The following PPP2R5C variants were observed in gnomAD, a reference collection of about 807,000 sequenced individuals.
PPP2R5C encodes the protein serine/threonine-protein phosphatase 2A 56 kDa regulatory subunit gamma isoform.
Under a neutral mutation model 68.9 loss-of-function variants are expected in PPP2R5C, and 7 were observed. That is an observed-to-expected ratio of 0.10 (90% CI 0.06 to 0.19). PPP2R5C has a LOEUF of 0.19. PPP2R5C is among the 10% of genes least tolerant of loss of function. The pLI is 1.00. For synonymous variants in PPP2R5C, 210 were observed against 222.2 expected (o/e 0.95, Z 0.49); for missense variants, 348 against 641.3 (o/e 0.54, Z 4.94).
chr14:101,800,794 C>T (rs1165237650), intron 3 of PPP2R5C, among the ~76,000 whole-genome samples: 1 of 152,106 alleles, frequency 6.6e-6, no homozygotes, highest in African/African-American at 2.4e-5. Context: ...GCATCGCTCA[C>T]AATAGCCAAG....
At chr14:101,904,487 TTAAG>T (rs2045911191) in intron 9 of PPP2R5C, among the ~76,000 whole-genome samples, 1 of 152,220 alleles carries the variant, frequency 6.6e-6, no homozygotes. Context: ...TATTGAACTC[TTAAG>T]TAAGAACTAG....
intron 3 of PPP2R5C, among the ~76,000 whole-genome samples, chr14:101,792,811 C>G (rs1318521528): frequency 6.6e-6 from 1 of 151,038 alleles, no homozygotes; most frequent in Non-Finnish European, 1.5e-5. Context: ...TGATTTCTGA[C>G]ACAGTGAGAC....
chr14:101,810,022 T>G (rs766957638), exon 1 of PPP2R5C: 1 of 1,613,942 alleles, frequency 6.2e-7, no homozygotes, highest in Non-Finnish European at 8.5e-7. Context: ...CCCGTGGTCC[T>G]TCTCCATATT....
chr14:101,815,334 A>G (rs1163299385), intron 1 of PPP2R5C, among the ~76,000 whole-genome samples: 3 of 151,960 alleles, frequency 2.0e-5, no homozygotes, highest in African/African-American at 7.3e-5. Flanking sequence ...TTTGATTTTT[A>G]CTGTTTTCTG....
intron 2 of PPP2R5C, among the ~76,000 whole-genome samples, chr14:101,764,030 G>T (rs77541980): frequency 9.7e-4 from 142 of 146,248 alleles, no homozygotes; most frequent in African/African-American, 3.2e-3. Context: ...TGTGTGTGTG[G>T]GCGCGCGCAC....
chr14:101,848,031 T>G (rs965783836), intron 1 of PPP2R5C, among the ~76,000 whole-genome samples: 5 of 152,308 alleles, frequency 3.3e-5, no homozygotes, highest in African/African-American at 1.2e-4. Flanking sequence ...ACCCATGCTT[T>G]AGATCTGATA....
At chr14:101,862,932 C>T (rs953696663) in intron 2 of PPP2R5C, among the ~76,000 whole-genome samples, 4 of 151,716 alleles carry the variant, frequency 2.6e-5, no homozygotes, top group African/African-American at 9.7e-5. Flanking sequence ...CAATCCTCCC[C>T]CTCCCCCTGC....
chr14:101,894,211 G>A (rs1036519952), intron 7 of PPP2R5C, among the ~76,000 whole-genome samples: 5 of 152,176 alleles, frequency 3.3e-5, no homozygotes, highest in African/African-American at 7.2e-5. Context: ...TAGATGACTC[G>A]TTGATTGTAG....
At position 101,882,496 on chromosome 14, in the gene PPP2R5C, T is replaced by A. The variant is rs1020092228; in HGVS notation, c.405+225T>A. 32 of 404,016 alleles carry A rather than the reference T, an allele frequency of 7.9e-5. No homozygotes were observed. The Middle Eastern group carries it at 2.4e-3, about 30-fold the overall frequency. 25.0% of individuals were successfully genotyped at this position (404,016 alleles called of 1,614,324 possible). On this transcript the variant is annotated intron_variant, in intron 3 of 13. Transcript: ENST00000334743. This position sits in a 1 kb window ranked among gnomAD's most constrained non-coding sequence, Gnocchi z 4.9. The stretch of plus-strand genomic sequence containing the variant: ...TGAAGATGTGTAATTGTGAGTATGT[T>A]CTCAGTGAAGATGGCCGCTGTGTTG...
intron 2 of PPP2R5C, among the ~76,000 whole-genome samples, chr14:101,779,713 G>A (rs1398109371): frequency 6.6e-6 from 1 of 152,114 alleles, no homozygotes; most frequent in Non-Finnish European, 1.5e-5. Context: ...CAGGCAGTGG[G>A]GAGCCACTGG....
At chr14:101,861,065 G>A (rs549890469) in intron 2 of PPP2R5C, among the ~76,000 whole-genome samples, 3 of 152,086 alleles carry the variant, frequency 2.0e-5, no homozygotes, top group South Asian at 2.1e-4. Flanking sequence ...TCTGTTTCTC[G>A]GGCACAGACC....
At chr14:101,773,799 A>G (rs553796895) in intron 2 of PPP2R5C, among the ~76,000 whole-genome samples, 181 of 152,220 alleles carry the variant, frequency 1.2e-3, no homozygotes, top group Admixed American at 1.5e-3. Context: ...GGCTCAAGCA[A>G]TCCTCCCTCC....
At chr14:101,856,603 A>G in intron 1 of PPP2R5C, 83 bp from the exon 4 acceptor site, 1 of 1,261,616 alleles carries the variant, frequency 7.9e-7, no homozygotes, top group Non-Finnish European at 1.1e-6. Context: ...CAAAATAAAA[A>G]TAGAAGAAAG....
rs2044255315 is a variant in PPP2R5C, at chr14:101,882,996, A to G, written c.406-261A>G. On this transcript the variant is annotated intron_variant, in intron 3 of 13. Coordinates refer to ENST00000334743, the Ensembl canonical transcript of PPP2R5C. This position sits in a 1 kb window ranked among gnomAD's most constrained non-coding sequence, Gnocchi z 4.9. ...GTGCCCTGTAGTCCCTGAACAGTGT[A>G]CTATAACTGATGACATCAGCCATGG... The G allele has an allele frequency of 2.5e-6, 1 of 395,354 alleles. No individual in the cohort carries two copies. Among genetic ancestry groups the G allele is most frequent in the Non-Finnish European group, 4.6e-6 (1 of 218,774 alleles). 24.5% of individuals were successfully genotyped at this position (395,354 alleles called of 1,614,324 possible).
chr14:101,836,216 G>A (rs1351737285), intron 1 of PPP2R5C: 2 of 702,818 alleles, frequency 2.8e-6, no homozygotes, highest in East Asian at 2.7e-5. Context: ...GAGGTTGGAA[G>A]TCCCTGACCT....
At chr14:101,852,194 GT>G (rs1242159361) in intron 1 of PPP2R5C, among the ~76,000 whole-genome samples, 1 of 152,128 alleles carries the variant, frequency 6.6e-6, no homozygotes, top group African/African-American at 2.4e-5. Context: ...ACACCCTGCT[GT>G]TTTCTTCCTA....
intron 1 of PPP2R5C, among the ~76,000 whole-genome samples, chr14:101,837,904 A>C (rs2041216633): frequency 6.6e-6 from 1 of 152,190 alleles, no homozygotes; most frequent in South Asian, 2.1e-4. Context: ...CTTGCCCCAG[A>C]ATTGACAGCT....
rs747682001 is a variant in PPP2R5C at position 101,915,052 on chromosome 14, TTTTGGTTTGG to T, written c.1326+2594_1326+2603del. On this transcript the variant is annotated intron_variant, in intron 12 of 13. Coordinates refer to ENST00000334743, the Ensembl canonical transcript of PPP2R5C. The surrounding 1 kb of genome is among the most constrained non-coding windows in gnomAD (Gnocchi z 4.2). ...GAATGCACCTCAGTGAAGGTTTTTG[TTTTGGTTTGG>T]TTTGGTTTGGTTTGATTTGGTTTGG... 6.6e-6 allele frequency among the ~76,000 whole-genome samples: 1 copy of T among 151,966 alleles called. No individual in the cohort carries two copies.
intron 2 of PPP2R5C, among the ~76,000 whole-genome samples, chr14:101,785,003 G>A (rs2038024005): frequency 6.6e-6 from 1 of 152,174 alleles, no homozygotes. Flanking sequence ...TGCATCTTCA[G>A]ACTCTTCTCC....
Sources: gnomAD v4.1 joint callset for allele counts (sites outside exome capture counted in the v4.1 genomes callset) on GRCh38, gnomAD v4.1.1 for gene constraint, Gnocchi (gnomAD v3.1) non-coding constraint, MANE v1.5 for transcripts, NCBI Gene and HGNC (gene_info 2026-07-23, HGNC 2026-07-21) for gene names.